The following MCPH1 variants were observed in gnomAD, a reference collection of about 807,000 sequenced individuals.
MCPH1 encodes microcephalin 1.
In MCPH1, 104 loss-of-function variants were observed where a neutral mutation model predicts 84.5. The observed-to-expected ratio is 1.23, with a 90% CI of 1.05 to 1.45. MCPH1 has a LOEUF of 1.45. Ranked by LOEUF, MCPH1 falls within the 40% of genes most tolerant of loss-of-function variation. The pLI is 0.00. For missense variants in MCPH1, 1,498 were observed against 1,005.7 expected (o/e 1.49, Z -6.62); for synonymous variants, 514 against 366.8 (o/e 1.40, Z -4.58).
chr8:6,519,917 T>A, intron 12 of MCPH1: 1 of 1,613,554 alleles, frequency 6.2e-7, no homozygotes, highest in Non-Finnish European at 8.5e-7. Context: ...CCATTCGTGG[T>A]GTGTCCTGAT....
chr8:6,603,650 G>A (rs1442628280), intron 12 of MCPH1, among the ~76,000 whole-genome samples: 2 of 152,216 alleles, frequency 1.3e-5, no homozygotes, highest in East Asian at 3.8e-4. Context: ...CCTGCTTTCA[G>A]TAAGTTACAT....
chr8:6,485,207 C>T (rs772309015), intron 11 of MCPH1, among the ~76,000 whole-genome samples: 1 of 151,912 alleles, frequency 6.6e-6, no homozygotes, highest in Non-Finnish European at 1.5e-5. Context: ...TGCCTATAAT[C>T]CCAGCTACTC....
chr8:6,557,679 A>G (rs1824853414), intron 12 of MCPH1, among the ~76,000 whole-genome samples: 3 of 97,140 alleles, frequency 3.1e-5, no homozygotes, highest in Non-Finnish European at 2.1e-5. Flanking sequence ...TATGATATAT[A>G]TGTGTGTGTA....
At chr8:6,447,646 G>C (rs1483620307) in intron 8 of MCPH1, among the ~76,000 whole-genome samples, 2 of 152,110 alleles carry the variant, frequency 1.3e-5, no homozygotes, top group Non-Finnish European at 2.9e-5. Flanking sequence ...CGCCTCCCGA[G>C]TTCAAGCAAG....
intron 12 of MCPH1, among the ~76,000 whole-genome samples, chr8:6,611,957 G>A (rs1234225978): frequency 6.6e-6 from 1 of 152,146 alleles, no homozygotes; most frequent in African/African-American, 2.4e-5. Flanking sequence ...ACATAGGCAG[G>A]ACTGATGAAA....
intron 9 of MCPH1, among the ~76,000 whole-genome samples, chr8:6,470,072 G>C (rs1229473139): frequency 1.3e-5 from 2 of 152,054 alleles, no homozygotes; most frequent in African/African-American, 2.4e-5. Context: ...AAACAGAAAA[G>C]GGTTGTTTTT....
At chr8:6,578,180 C>G (rs576695190) in intron 12 of MCPH1, among the ~76,000 whole-genome samples, 1 of 152,360 alleles carries the variant, frequency 6.6e-6, no homozygotes, top group African/African-American at 2.4e-5. Flanking sequence ...GAGGAATAAG[C>G]TCCAGCCACT....
At chr8:6,625,006 G>C in intron 13 of MCPH1, 3 of 523,920 alleles carry the variant, frequency 5.7e-6, no homozygotes, top group Non-Finnish European at 7.3e-6. Flanking sequence ...CTTCCCAGTA[G>C]CTGGAATTAC....
At chr8:6,602,725 C>T (rs932798715) in intron 12 of MCPH1, among the ~76,000 whole-genome samples, 3 of 151,976 alleles carry the variant, frequency 2.0e-5, no homozygotes, top group African/African-American at 7.3e-5. Context: ...CATCTCCTTC[C>T]CTCTTAGTCA....
At chr8:6,420,867 G>A (rs1259568800) in intron 3 of MCPH1, among the ~76,000 whole-genome samples, 1 of 152,188 alleles carries the variant, frequency 6.6e-6, no homozygotes, top group African/African-American at 2.4e-5. Context: ...GAATTCCACG[G>A]AGGAGCATAA....
At chr8:6,602,474 G>A (rs1318564507) in intron 12 of MCPH1, among the ~76,000 whole-genome samples, 1 of 152,128 alleles carries the variant, frequency 6.6e-6, no homozygotes, top group African/African-American at 2.4e-5. Context: ...CCTCTCTGGG[G>A]AGAATCTGGA....
chr8:6,584,397 A>T (rs1001787089), intron 12 of MCPH1, among the ~76,000 whole-genome samples: 1 of 152,232 alleles, frequency 6.6e-6, no homozygotes, highest in African/African-American at 2.4e-5. Flanking sequence ...ATACCAACTG[A>T]TTTAAAAGGA....
chr8:6,532,234 C>A lies in MCPH1; in HGVS notation c.2214+32305C>A, dbSNP rs1586425219. ...TCCTTTTCTCCTGTGGTGGTGCTTT[C>A]TTTAGTTTCTCATGCCTTCATTGAG... On this transcript the variant is annotated intron_variant, in intron 12 of 13. Transcript: ENST00000344683. 20 of 1,396,142 alleles carry A rather than the reference C, an allele frequency of 1.4e-5. No homozygotes were observed. The East Asian group carries it at 4.6e-4, about 32-fold the overall frequency. 86.5% of individuals were successfully genotyped at this position (1,396,142 alleles called of 1,614,324 possible).
intron 12 of MCPH1, among the ~76,000 whole-genome samples, chr8:6,566,740 A>C (rs12547116): frequency 0.052 from 7,351 of 140,496 alleles, 224 homozygotes; most frequent in East Asian, 0.12. Context: ...TGGATAGTGC[A>C]CGTGTTGCGG....
In MCPH1 at chr8:6,499,938, G is replaced by C. The variant is rs776342281; in HGVS notation, c.2214+9G>C. ...ACTTCCCTGCAGCTCCCGTAAGTCA[G>C]ATGTTGTTTTACGATGGTAAATGCA... is the stretch of plus-strand genomic sequence containing the variant. On this transcript the variant is annotated intron_variant, in intron 12 of 13. Transcript: ENST00000344683. The C allele has an allele frequency of 6.2e-7, 1 of 1,611,464 alleles. No individual in the cohort carries two copies. Among genetic ancestry groups the C allele is most frequent in the African/African-American group, 1.3e-5 (1 of 74,888 alleles).
At chr8:6,543,480 C>T (rs55884132) in intron 12 of MCPH1, among the ~76,000 whole-genome samples, 9 of 152,260 alleles carry the variant, frequency 5.9e-5, no homozygotes, top group Non-Finnish European at 7.4e-5. Context: ...AACGCACTGA[C>T]GGGCAATGTG....
In MCPH1 at chr8:6,436,157, A is replaced by G. The variant is rs1322091853; in HGVS notation, c.431A>G (p.Asn144Ser). Residue 144 changes from asparagine (N) to serine (S), a missense_variant, in exon 5 of 14, where the codon AAT (asparagine) becomes AGT (serine). Transcript: ENST00000344683. ...AAAGAGCTACAAAGGCAAAAAACAA[A>G]TCTAGGTAAGCTAAGAAATATAATA... is the stretch of plus-strand genomic sequence containing the variant. ...MAKELQRQKT[N>S]LDDDVPILLF... The G allele has an allele frequency of 2.5e-6, 4 of 1,613,082 alleles. No individual in the cohort carries two copies. The highest frequency in any genetic ancestry group is 2.7e-5 in the African/African-American group (2 of 75,048).
In MCPH1 at chr8:6,505,503, GTATATATAGAATATATA is replaced by G. The variant is rs1813383872; in HGVS notation, c.2214+5576_2214+5592del. Among the ~76,000 whole-genome samples, 3 of 4,020 alleles carry G rather than the reference GTATATATAGAATATATA, an allele frequency of 7.5e-4. No individual in the cohort carries two copies. In the South Asian group the frequency reaches 0.056, roughly 74 times the overall value. The allele number at this position is 4,020 out of a possible 152,430, so 2.6% of individuals were successfully genotyped here. On this transcript the variant is annotated intron_variant, in intron 12 of 13. Transcript: ENST00000344683. Reference sequence around the variant, plus strand: ...TAGAATATATATATTCTTTATATATGTATATATAGAATATATATTCTTTATATATGTATATATAGAAT... The same window carrying G: ...TAGAATATATATATTCTTTATATATGTTCTTTATATATGTATATATAGAAT...
chr8:6,521,958 T>G lies in MCPH1; in HGVS notation c.2214+22029T>G, dbSNP rs148147864. ...GTACTGGCTTACCAGCCCTGCGACTTGGAACAGTTTACTTAGTCACCCTAT... is the reference window on the plus strand; with the variant it reads ...GTACTGGCTTACCAGCCCTGCGACTGGGAACAGTTTACTTAGTCACCCTAT... On this transcript the variant is annotated intron_variant, in intron 12 of 13. Transcript: ENST00000344683. Among the ~76,000 whole-genome samples the G allele has an allele frequency of 2.6e-5, 4 of 152,368 alleles. No homozygotes were observed. In the East Asian group the frequency reaches 5.8e-4, roughly 22 times the overall value.
Sources: allele counts gnomAD v4.1 joint callset (sites outside exome capture counted in the v4.1 genomes callset), GRCh38; gene constraint gnomAD v4.1.1; transcripts MANE v1.5; gene names NCBI Gene and HGNC (gene_info 2026-07-23, HGNC 2026-07-21).